The following NTN1 variants were observed in gnomAD, a reference collection of about 807,000 sequenced individuals.
NTN1 encodes netrin-1.
In NTN1, 11 loss-of-function variants were observed where a neutral mutation model predicts 54.2. The observed-to-expected ratio is 0.20, with a 90% CI of 0.13 to 0.34. NTN1 has a LOEUF of 0.34. NTN1 is among the 10% of genes least tolerant of loss of function. The pLI is 1.00. For missense variants in NTN1, 740 were observed against 893.1 expected (o/e 0.83, Z 2.18); for synonymous variants, 371 against 382.0 (o/e 0.97, Z 0.33).
At chr17:9,127,317 G>A (rs2092250894) in intron 2 of NTN1, among the ~76,000 whole-genome samples, 1 of 152,128 alleles carries the variant, frequency 6.6e-6, no homozygotes, top group African/African-American at 2.4e-5. Flanking sequence ...TGGGATCCGT[G>A]TGGAAGGCAG....
intron 1 of NTN1, among the ~76,000 whole-genome samples, chr17:9,021,915 G>C (rs2091849807): frequency 6.6e-6 from 1 of 152,182 alleles, no homozygotes; most frequent in African/African-American, 2.4e-5. Context: ...GCGATCGGGG[G>C]GCATCTGAGA....
At chr17:9,181,160 C>T (rs2092417961) in intron 4 of NTN1, among the ~76,000 whole-genome samples, 1 of 152,202 alleles carries the variant, frequency 6.6e-6, no homozygotes, top group Non-Finnish European at 1.5e-5. Context: ...CTTCTCTCCT[C>T]CTCTAACAAA....
chr17:9,059,166 A>G (rs1243284142), intron 2 of NTN1, among the ~76,000 whole-genome samples: 1 of 152,178 alleles, frequency 6.6e-6, no homozygotes, highest in Non-Finnish European at 1.5e-5. Flanking sequence ...TGGGTTTAAT[A>G]TGACGGTGAC....
At chr17:9,035,702 C>T (rs2091901294) in intron 2 of NTN1, among the ~76,000 whole-genome samples, 3 of 152,190 alleles carry the variant, frequency 2.0e-5, no homozygotes, top group Admixed American at 2.0e-4. Context: ...AGGTGCACAT[C>T]ACCGCACTTG....
At chr17:9,114,287 A>T (rs1483191925) in intron 2 of NTN1, among the ~76,000 whole-genome samples, 1 of 150,276 alleles carries the variant, frequency 6.7e-6, no homozygotes, top group African/African-American at 2.4e-5. Context: ...TGATACTTTT[A>T]AAAAATGTGC....
intron 6 of NTN1, among the ~76,000 whole-genome samples, chr17:9,224,786 C>T (rs973634389): frequency 1.4e-5 from 2 of 144,176 alleles, no homozygotes; most frequent in African/African-American, 5.1e-5. Context: ...GCTGGAGGAA[C>T]AGCAGGTGGG....
At chr17:9,143,371 C>G (rs1170220644) in intron 2 of NTN1, among the ~76,000 whole-genome samples, 2 of 152,200 alleles carry the variant, frequency 1.3e-5, no homozygotes, top group Non-Finnish European at 2.9e-5. Flanking sequence ...CCCCTGGGAG[C>G]TCACGGGGGT....
intron 2 of NTN1, among the ~76,000 whole-genome samples, chr17:9,117,402 G>A (rs1478176108): frequency 6.6e-6 from 1 of 152,154 alleles, no homozygotes; most frequent in East Asian, 1.9e-4. Context: ...GAGGACAGGT[G>A]GTTCACAGTG....
intron 3 of NTN1, chr17:9,171,341 A>G (rs550598213): frequency 6.6e-6 from 1 of 152,288 alleles, no homozygotes; most frequent in East Asian, 1.9e-4. Context: ...GGGCAGCAAC[A>G]TGCCCCCCTC....
chr17:9,147,537 A>G (rs757225825), intron 2 of NTN1, among the ~76,000 whole-genome samples: 25 of 152,200 alleles, frequency 1.6e-4, no homozygotes, highest in Non-Finnish European at 2.8e-4. Context: ...AGCAAGGCCA[A>G]TGCTAACCTC....
intron 2 of NTN1, among the ~76,000 whole-genome samples, chr17:9,056,271 G>A (rs1208737907): frequency 6.6e-6 from 1 of 152,182 alleles, no homozygotes; most frequent in Non-Finnish European, 1.5e-5. Flanking sequence ...TGGTCAGACT[G>A]GTCTCAAACT....
At chr17:9,105,092 G>A (rs9910947) in intron 2 of NTN1, among the ~76,000 whole-genome samples, 26,056 of 152,142 alleles carry the variant, frequency 0.17, 2,816 homozygotes, top group Non-Finnish European at 0.24. Flanking sequence ...TGTTTTGAGC[G>A]TCCATTTCAG....
chr17:9,226,286 C>T (rs28404887), intron 6 of NTN1, among the ~76,000 whole-genome samples: 47,924 of 151,904 alleles, frequency 0.32, 7,970 homozygotes, highest in East Asian at 0.45. Context: ...GGAGCTTCGC[C>T]GCCGGGGCCT....
chr17:9,114,162 AAAAAATATATATATAT>A (rs2092202352), intron 2 of NTN1, among the ~76,000 whole-genome samples: 1 of 84,266 alleles, frequency 1.2e-5, no homozygotes, highest in South Asian at 3.6e-4. Flanking sequence ...AGAAAAAAAA[AAAAAATATATATATAT>A]ATATATATGA....
chr17:9,182,624 C>CG, intron 4 of NTN1, among the ~76,000 whole-genome samples: 1 of 152,172 alleles, frequency 6.6e-6, no homozygotes, highest in East Asian at 1.9e-4. Context: ...GCTGAGTTGA[C>CG]GCCAGGCCCA....
upstream of NTN1, among the ~76,000 whole-genome samples, chr17:9,016,838 C>T (rs930672400): frequency 6.6e-5 from 10 of 152,332 alleles, no homozygotes; most frequent in Non-Finnish European, 1.2e-4. Flanking sequence ...GGCTGCTGGG[C>T]GCTGCTGGGG....
rs116653846 is a variant in NTN1, at chr17:9,241,185, G to C, written c.*1217G>C. 2 of 152,428 alleles carry C rather than the reference G, an allele frequency of 1.3e-5. No individual in the cohort carries two copies. Among genetic ancestry groups the C allele is most frequent in the African/African-American group, 4.8e-5 (2 of 41,442 alleles). 9.4% of individuals were successfully genotyped at this position (152,428 alleles called of 1,614,324 possible). The stretch of plus-strand genomic sequence containing the variant: ...GTGGGCAGGGGCACAGGAATGACCA[G>C]GTTCCTGGGGGCCAAGGAGGCCATG... On this transcript the variant is annotated 3_prime_UTR_variant, in exon 7 of 7. Coordinates refer to ENST00000173229, the MANE Select transcript of NTN1 (RefSeq NM_004822.3).
chr17:9,216,756 G>C (rs780615487), intron 5 of NTN1, among the ~76,000 whole-genome samples: 4 of 152,206 alleles, frequency 2.6e-5, no homozygotes, highest in Non-Finnish European at 5.9e-5. Flanking sequence ...AGAAATACAA[G>C]GTGAGACTGG....
chr17:9,190,275 TGCCAC>T (rs1286603347), intron 5 of NTN1, among the ~76,000 whole-genome samples: 1 of 152,188 alleles, frequency 6.6e-6, no homozygotes, highest in Non-Finnish European at 1.5e-5. Flanking sequence ...AGGAGGGTCT[TGCCAC>T]GTTCTGAGAA....
Sources: gnomAD v4.1 joint callset for allele counts (sites outside exome capture counted in the v4.1 genomes callset) on GRCh38, gnomAD v4.1.1 for gene constraint, MANE v1.5 for transcripts, NCBI Gene and HGNC (gene_info 2026-07-23, HGNC 2026-07-21) for gene names.